EHD2: variants seen among roughly 807,000 people sequenced by gnomAD.
EHD2 encodes EH domain-containing protein 2.
In EHD2, 27 loss-of-function variants were observed where a neutral mutation model predicts 41.0. The ratio of observed to expected loss-of-function variants is 0.66; its 90% confidence interval spans 0.49 to 0.91. The LOEUF is 0.91. Among genes scored for constraint, EHD2 ranks in the 40% least tolerant of loss-of-function variants. The pLI, the probability that EHD2 is intolerant of heterozygous loss-of-function variation, is 0.00. For synonymous variants in EHD2, 342 were observed against 341.0 expected, an observed-to-expected ratio of 1.00 and a Z score of -0.03; for missense variants, 673 against 773.9, an observed-to-expected ratio of 0.87 and a Z score of 1.55.
chr19:47,715,842 A>C (rs538944553), intron 1 of EHD2, among the ~76,000 whole-genome samples: 181 of 152,050 alleles, frequency 1.2e-3, no homozygotes, highest in African/African-American at 3.3e-3. Flanking sequence ...ATCTCGGCTC[A>C]CTGCAACCTC....
At chr19:47,739,691 T>G (rs1193885647) in intron 5 of EHD2, among the ~76,000 whole-genome samples, 1 of 149,586 alleles carries the variant, frequency 6.7e-6, no homozygotes, top group East Asian at 2.0e-4. Flanking sequence ...CAAGTGATTC[T>G]CCCACCTCAG....
chr19:47,731,303 C>CACATATATAT (rs1555793924), intron 4 of EHD2: 3 of 58,480 alleles, frequency 5.1e-5, no homozygotes, highest in African/African-American at 1.4e-4. Context: ...TATATATATA[C>CACATATATAT]ATATATATAT....
chr19:47,729,328 C>A (rs557251321), intron 4 of EHD2, among the ~76,000 whole-genome samples: 2 of 152,020 alleles, frequency 1.3e-5, no homozygotes, highest in Non-Finnish European at 2.9e-5. Flanking sequence ...GGGCTGTGTC[C>A]GGGAATCTGT....
Position 47,717,030 on chromosome 19 carries a change from G to A in EHD2, c.404+14G>A, listed in dbSNP as rs1973636595. 1.3e-6 allele frequency: 2 copies of A among 1,598,926 alleles called. No homozygotes were observed. Among genetic ancestry groups the A allele is most frequent in the Non-Finnish European group, 1.7e-6 (2 of 1,179,884 alleles). ...CTTCCTCAACAGGTGTGCCAGCCGC[G>A]AGCCCAGGGCGCATCTTTCTTTTTC... On this transcript the variant is annotated intron_variant, in intron 2 of 5. Coordinates refer to ENST00000263277, the MANE Select transcript of EHD2 (RefSeq NM_014601.4).
intron 4 of EHD2, among the ~76,000 whole-genome samples, chr19:47,735,182 A>G (rs1162968057): frequency 6.6e-6 from 1 of 152,236 alleles, no homozygotes; most frequent in Non-Finnish European, 1.5e-5. Context: ...GCTAGGCTCA[A>G]ATTCCACTTA....
intron 4 of EHD2, among the ~76,000 whole-genome samples, chr19:47,731,139 A>G (rs575132851): frequency 6.6e-6 from 1 of 150,810 alleles, no homozygotes; most frequent in South Asian, 2.1e-4. Context: ...GCAGCCATGC[A>G]CTTGATGTGT....
chr19:47,722,002 A>G (rs956611957), intron 3 of EHD2, among the ~76,000 whole-genome samples: 1 of 138,446 alleles, frequency 7.2e-6, no homozygotes, highest in African/African-American at 2.8e-5. Flanking sequence ...AACAAACAGA[A>G]AAACAAAACA....
intron 3 of EHD2, among the ~76,000 whole-genome samples, chr19:47,720,809 G>A (rs969240415): frequency 2.6e-5 from 4 of 152,010 alleles, no homozygotes; most frequent in Non-Finnish European, 4.4e-5. Context: ...TTGTATCTCC[G>A]GATACAGTTG....
At position 47,741,261 on chromosome 19, in the gene EHD2, G is replaced by A. The variant is rs751213363; in HGVS notation, c.1461G>A (p.Gly487=). The A allele has an allele frequency of 5.0e-6, 8 of 1,614,068 alleles. No homozygotes were observed. Among genetic ancestry groups the A allele is most frequent in the Admixed American group, 3.3e-5 (2 of 60,002 alleles). Residue 487 remains glycine (G), a synonymous_variant, in exon 6 of 6, where the codon GGG becomes GGA. Transcript: ENST00000263277. The surrounding 1 kb of genome is among the most constrained non-coding windows in gnomAD (Gnocchi z 4.5). The stretch of plus-strand genomic sequence containing the variant: ...CCAAGCTCCCCAACTCAGTGCTGGG[G>A]CGCATCTGGAAGCTCAGCGATGTGG... ...VGTKLPNSVL[G]RIWKLSDVDR...
chr19:47,726,028 T>C lies in EHD2; in HGVS notation c.719T>C (p.Leu240Pro). 1 of 1,597,574 alleles carries C rather than the reference T, an allele frequency of 6.3e-7. No individual in the cohort carries two copies. Among genetic ancestry groups the C allele is most frequent in the Non-Finnish European group, 8.5e-7 (1 of 1,171,194 alleles). ...GTCTACGGCGCGCTCATGTGGGCGC[T>C]GGGCAAGGTGGTGGGCACGCCCGAG... ...MRVYGALMWA[L>P]GKVVGTPEVL... Residue 240 changes from leucine (L) to proline (P), a missense_variant, in exon 4 of 6, where the codon CTG becomes CCG. Coordinates refer to ENST00000263277, the MANE Select transcript of EHD2 (RefSeq NM_014601.4).
At position 47,716,630 on chromosome 19, in the gene EHD2, G is replaced by A. The variant is rs767110542; in HGVS notation, c.18G>A (p.Lys6=). ...CAGCCACCATGTTCAGCTGGCTGAA[G>A]CGGGGCGGGGCACGGGGCCAGCAGC... The part of the protein sequence containing the change: MFSWL[K]RGGARGQQPE... The change falls in exon 2 of 6, where the codon AAG becomes AAA. Residue 6 remains lysine, a synonymous_variant. Transcript: ENST00000263277. 1.9e-6 allele frequency: 3 copies of A among 1,541,984 alleles called. No individual in the cohort carries two copies. Among genetic ancestry groups the A allele is most frequent in the East Asian group, 2.3e-5 (1 of 43,394 alleles).
intron 4 of EHD2, chr19:47,731,295 T>TATATAA (rs1555793919): frequency 3.0e-5 from 2 of 67,328 alleles, no homozygotes; most frequent in Admixed American, 1.6e-4. Context: ...TATATATATA[T>TATATAA]ATATATACAT....
chr19:47,742,151 T>A lies in EHD2; in HGVS notation c.*719T>A, dbSNP rs1966997831. 3.0e-6 allele frequency: 1 copy of A among 335,430 alleles called. No individual in the cohort carries two copies. The highest frequency in any genetic ancestry group is 2.2e-5 in the African/African-American group (1 of 45,548). 20.8% of individuals were successfully genotyped at this position (335,430 alleles called of 1,614,324 possible). ...TCCTTCCTTCCTTCCTTCTTTTCTT[T>A]CCTTCCTTCCTTCTTTTTTGTTTTT... On this transcript the variant is annotated 3_prime_UTR_variant, in exon 6 of 6. Transcript: ENST00000263277.
chr19:47,727,640 G>A (rs900695292), intron 4 of EHD2, among the ~76,000 whole-genome samples: 3 of 151,362 alleles, frequency 2.0e-5, no homozygotes, highest in Non-Finnish European at 4.4e-5. Flanking sequence ...CACTTTTGGA[G>A]GATTGCTTGA....
At position 47,718,831 on chromosome 19, in the gene EHD2, C is replaced by T. The variant is rs1452246638; in HGVS notation, c.502+225C>T. Among the ~76,000 whole-genome samples the T allele has an allele frequency of 6.8e-4, 90 of 132,200 alleles. 1 individual carries two copies. Among genetic ancestry groups the T allele is most frequent in the African/African-American group, 2.3e-3 (79 of 34,320 alleles). The allele number at this position is 132,200 out of a possible 152,430, so 86.7% of individuals were successfully genotyped here. On this transcript the variant is annotated intron_variant, in intron 3 of 5. Transcript: ENST00000263277. ...GGTCTGAGGGAGGAGGGGCTGGGGGCCTGGACTCCTGGGTCTGAGGGAGGA... is the reference window on the plus strand; with the variant it reads ...GGTCTGAGGGAGGAGGGGCTGGGGGTCTGGACTCCTGGGTCTGAGGGAGGA...
intron 4 of EHD2, chr19:47,733,103 A>G (rs1282857978): frequency 6.6e-6 from 1 of 152,018 alleles, no homozygotes; most frequent in Admixed American, 6.6e-5. Flanking sequence ...TAAAAAATAA[A>G]AAATAAAAAG....
intron 5 of EHD2, among the ~76,000 whole-genome samples, chr19:47,737,013 C>CCT (rs1555794194): frequency 2.0e-5 from 3 of 151,684 alleles, no homozygotes; most frequent in South Asian, 2.1e-4. Flanking sequence ...GGGCGGATCA[C>CCT]GAGGTCAGCA....
In EHD2 at chr19:47,719,158, G is replaced by A. The variant is rs1019572346; in HGVS notation, c.502+552G>A. ...CACGTGGTGGGAGCGGGCAGGAGCC[G>A]CACGTCTGGGCAGGCAGGAAGGATG... is the stretch of plus-strand genomic sequence containing the variant. On this transcript the variant is annotated intron_variant, in intron 3 of 5. Transcript: ENST00000263277. This position sits in a 1 kb window ranked among gnomAD's most constrained non-coding sequence, Gnocchi z 4.1. 1.3e-5 allele frequency among the ~76,000 whole-genome samples: 2 copies of A among 152,158 alleles called. No individual in the cohort carries two copies. Among genetic ancestry groups the A allele is most frequent in the African/African-American group, 4.8e-5 (2 of 41,436 alleles).
chr19:47,735,242 C>T (rs1272163335), intron 4 of EHD2, among the ~76,000 whole-genome samples: 1 of 152,082 alleles, frequency 6.6e-6, no homozygotes, highest in African/African-American at 2.4e-5. Context: ...GCAATTAGCT[C>T]TGAGTCCTGA....
Sources: allele counts gnomAD v4.1 joint callset (sites outside exome capture counted in the v4.1 genomes callset), GRCh38; gene constraint gnomAD v4.1.1; non-coding constraint Gnocchi (gnomAD v3.1); transcripts MANE v1.5; gene names NCBI Gene and HGNC (gene_info 2026-07-23, HGNC 2026-07-21).